The following CAPZB variants were observed in gnomAD, a reference collection of about 807,000 sequenced individuals.
The protein encoded by CAPZB is F-actin-capping protein subunit beta.
Under a neutral mutation model 38.1 loss-of-function variants are expected in CAPZB, and 2 were observed. The observed-to-expected ratio is 0.05, with a 90% CI of 0.02 to 0.17. The LOEUF (loss-of-function observed/expected upper bound fraction) is 0.17. Among genes scored for constraint, CAPZB ranks in the 10% least tolerant of loss-of-function variants. The probability of loss-of-function intolerance (pLI) is 1.00; values close to 1 mark genes in which losing one functional copy is unlikely to be tolerated. For missense variants in CAPZB, 161 were observed against 334.2 expected, an observed-to-expected ratio of 0.48 and a Z score of 4.04; for synonymous variants, 107 against 127.4, an observed-to-expected ratio of 0.84 and a Z score of 1.08.
At chr1:19,416,860 CAAAAAAAAA>C (rs59789230) in intron 2 of CAPZB, among the ~76,000 whole-genome samples, 32,467 of 69,214 alleles carry the variant, frequency 0.47, 5,288 homozygotes, top group Middle Eastern at 0.58. Flanking sequence ...GACCCTGTCT[CAAAAAAAAA>C]AAAAAAAAAA....
chr1:19,470,104 A>T (rs1190566551), intron 1 of CAPZB, among the ~76,000 whole-genome samples: 1 of 152,206 alleles, frequency 6.6e-6, no homozygotes, highest in East Asian at 1.9e-4. Flanking sequence ...CTGCAGTCCC[A>T]GCTACTCGGG....
intron 1 of CAPZB, chr1:19,484,434 T>G: frequency 6.6e-7 from 1 of 1,507,830 alleles, no homozygotes; most frequent in Non-Finnish European, 8.9e-7. Context: ...CGGCCTGCCC[T>G]GCAGAATGCT....
intron 1 of CAPZB, among the ~76,000 whole-genome samples, chr1:19,426,794 A>G (rs1229652950): frequency 6.6e-6 from 1 of 152,188 alleles, no homozygotes; most frequent in Non-Finnish European, 1.5e-5. Context: ...ACCATCAGAG[A>G]CAATGAAATG....
chr1:19,450,573 G>C (rs1022049601), intron 1 of CAPZB, among the ~76,000 whole-genome samples: 6 of 152,276 alleles, frequency 3.9e-5, no homozygotes, highest in African/African-American at 1.4e-4. Context: ...CATAGATGAG[G>C]GGACTGAGGT....
At chr1:19,415,735 C>T (rs978631923) in intron 2 of CAPZB, among the ~76,000 whole-genome samples, 10 of 152,212 alleles carry the variant, frequency 6.6e-5, no homozygotes, top group Non-Finnish European at 1.2e-4. Context: ...GATGGGTTTT[C>T]GCCATGTTGG....
rs2094025132 is a variant in CAPZB at position 19,357,026 on chromosome 1, T to G, written c.472-275A>C. 6.6e-6 allele frequency among the ~76,000 whole-genome samples: 1 copy of G among 152,016 alleles called. No individual in the cohort carries two copies. The highest frequency in any genetic ancestry group is 1.5e-5 in the Non-Finnish European group (1 of 68,008). ...ATGGGCGCCCGCCACCACGCCTGGC[T>G]AATGTTTTTTGTGTTTTTGGTAGAG... On this transcript the variant is annotated intron_variant, in intron 5 of 8. Transcript: ENST00000264202. This position sits in a 1 kb window ranked among gnomAD's most constrained non-coding sequence, Gnocchi z 4.3.
intron 1 of CAPZB, among the ~76,000 whole-genome samples, chr1:19,478,530 A>C (rs184039049): frequency 1.5e-4 from 23 of 152,324 alleles, no homozygotes; most frequent in African/African-American, 5.5e-4. Flanking sequence ...GTTCACAAGC[A>C]TCCAGAGATG....
chr1:19,348,769 GC>G (rs34514368), intron 6 of CAPZB, among the ~76,000 whole-genome samples: 55,027 of 123,428 alleles, frequency 0.45, 12,027 homozygotes, highest in Non-Finnish European at 0.5. Flanking sequence ...AGGGGGGGGG[GC>G]GGTCTAGGTG....
intron 4 of CAPZB, among the ~76,000 whole-genome samples, chr1:19,369,286 G>C (rs1159241069): frequency 6.6e-6 from 1 of 152,128 alleles, no homozygotes; most frequent in Admixed American, 6.5e-5. Flanking sequence ...AACTGTAGCA[G>C]ACACCCCCAC....
rs370836491 is a variant in CAPZB, at chr1:19,442,050, C to T, written c.4-22300G>A. 2.9e-4 allele frequency among the ~76,000 whole-genome samples: 44 copies of T among 149,696 alleles called. 1 individual carries two copies. In the South Asian group the frequency reaches 9.1e-3, roughly 31 times the overall value. ...AAAAGCACAGGAGAGGTATCCACAG[C>T]CCTTAAAAAGCATCAGTGATAGCTC... On this transcript the variant is annotated intron_variant, in intron 1 of 8. Coordinates refer to ENST00000264202, the MANE Select transcript of CAPZB (RefSeq NM_004930.5).
chr1:19,378,791 G>A (rs1017539105), intron 3 of CAPZB, 138 bp from the exon 4 acceptor site: 1 of 602,174 alleles, frequency 1.7e-6, no homozygotes, highest in African/African-American at 1.9e-5. Flanking sequence ...TCTGGGTCCT[G>A]GCAACAAACA....
chr1:19,341,724 G>A (rs1223930963), intron 8 of CAPZB, among the ~76,000 whole-genome samples: 2 of 152,246 alleles, frequency 1.3e-5, no homozygotes, highest in African/African-American at 2.4e-5. Context: ...TCAATGCCAT[G>A]ATGGAAATGC....
chr1:19,338,877 A>C lies in CAPZB; in HGVS notation c.*653T>G, dbSNP rs1439720023. 6.6e-6 allele frequency: 1 copy of C among 152,534 alleles called. No homozygotes were observed. The highest frequency in any genetic ancestry group is 1.5e-5 in the Non-Finnish European group (1 of 68,066). The allele number at this position is 152,534 out of a possible 1,614,324, so 9.4% of individuals were successfully genotyped here. On this transcript the variant is annotated 3_prime_UTR_variant, in exon 9 of 9. Transcript: ENST00000264202. The stretch of plus-strand genomic sequence containing the variant: ...GATTTTTTTCTTAAGCTTTACAAAA[A>C]AACAAAATAAAACAAAAACCTCCTT...
intron 2 of CAPZB, among the ~76,000 whole-genome samples, chr1:19,388,255 C>G (rs1384463502): frequency 3.3e-5 from 5 of 152,128 alleles, no homozygotes; most frequent in Admixed American, 1.3e-4. Flanking sequence ...TTTCATTGAT[C>G]AGTTATCTGT....
intron 1 of CAPZB, among the ~76,000 whole-genome samples, chr1:19,441,712 A>G (rs2094477201): frequency 6.6e-6 from 1 of 151,782 alleles, no homozygotes; most frequent in Admixed American, 6.6e-5. Context: ...CAAGCGGCTC[A>G]AAAGCTCAGG....
At chr1:19,366,620 A>G (rs2094089662) in intron 4 of CAPZB, among the ~76,000 whole-genome samples, 1 of 152,038 alleles carries the variant, frequency 6.6e-6, no homozygotes, top group African/African-American at 2.4e-5. Flanking sequence ...CCCGGGAGGC[A>G]GAGGTTATAG....
intron 1 of CAPZB, among the ~76,000 whole-genome samples, chr1:19,471,848 A>G (rs1016150805): frequency 1.3e-5 from 2 of 149,200 alleles, no homozygotes; most frequent in African/African-American, 5.0e-5. Flanking sequence ...CCTGGGAGAC[A>G]AAGCGAGACT....
intron 1 of CAPZB, among the ~76,000 whole-genome samples, chr1:19,478,930 C>T (rs544529679): frequency 6.6e-6 from 1 of 152,194 alleles, no homozygotes; most frequent in Non-Finnish European, 1.5e-5. Context: ...TAGCTCCTGG[C>T]CAAGTACAGT....
chr1:19,350,680 C>A (rs1332724484), intron 6 of CAPZB, among the ~76,000 whole-genome samples: 4 of 151,962 alleles, frequency 2.6e-5, no homozygotes, highest in Non-Finnish European at 5.9e-5. Flanking sequence ...AGTGTTGTCA[C>A]CACGGCTCAC....
Sources: allele counts gnomAD v4.1 joint callset (sites outside exome capture counted in the v4.1 genomes callset), GRCh38; gene constraint gnomAD v4.1.1; non-coding constraint Gnocchi (gnomAD v3.1); transcripts MANE v1.5; gene names NCBI Gene and HGNC (gene_info 2026-07-23, HGNC 2026-07-21).